Variants in MIPOL1 observed in about 807,000 individuals in gnomAD.
MIPOL1 encodes mirror-image polydactyly gene 1 protein.
A neutral mutation model predicts 60.9 loss-of-function variants in MIPOL1; 57 were observed. That is an observed-to-expected ratio of 0.94 (90% CI 0.76 to 1.17). The LOEUF (loss-of-function observed/expected upper bound fraction) is 1.17. MIPOL1 is among the 50% of genes most tolerant of loss of function. MIPOL1 has a pLI of 0.00. For missense variants in MIPOL1, 551 were observed against 511.6 expected (o/e 1.08, Z -0.74); for synonymous variants, 179 against 168.8 (o/e 1.06, Z -0.47).
At chr14:37,438,713 T>C (rs2094199058) in intron 11 of MIPOL1, among the ~76,000 whole-genome samples, 1 of 152,220 alleles carries the variant, frequency 6.6e-6, no homozygotes, top group African/African-American at 2.4e-5. Context: ...AGTTTAACAG[T>C]CTTTGTCTGT....
At chr14:37,298,386 C>A (rs1045086529) in intron 7 of MIPOL1, among the ~76,000 whole-genome samples, 13 of 152,146 alleles carry the variant, frequency 8.5e-5, no homozygotes, top group African/African-American at 3.1e-4. Flanking sequence ...AGGACATTGG[C>A]CTGGGCAAGG....
intron 11 of MIPOL1, among the ~76,000 whole-genome samples, chr14:37,428,780 T>A (rs2094010599): frequency 6.6e-6 from 1 of 152,094 alleles, no homozygotes; most frequent in African/African-American, 2.4e-5. Flanking sequence ...AGTTTCTTTA[T>A]TCTGTTTGTT....
At chr14:37,270,641 CTTTTTTTTTT>C (rs66866056) in intron 6 of MIPOL1, 116 bp downstream of exon 6, 2 of 204,048 alleles carry the variant, frequency 9.8e-6, no homozygotes, top group Admixed American at 7.8e-5. Context: ...GGAAGCTCTC[CTTTTTTTTTT>C]TTTTTTTTTG....
intron 9 of MIPOL1, among the ~76,000 whole-genome samples, chr14:37,359,127 G>A (rs550026738): frequency 1.8e-4 from 27 of 152,200 alleles, no homozygotes; most frequent in South Asian, 1.0e-3. Flanking sequence ...CAGGTTTGTC[G>A]AAGACCAAAT....
At chr14:37,285,738 C>T (rs1224244477) in intron 7 of MIPOL1, among the ~76,000 whole-genome samples, 1 of 151,858 alleles carries the variant, frequency 6.6e-6, no homozygotes, top group Non-Finnish European at 1.5e-5. Context: ...ACTACAGGCG[C>T]CTGCCACCAA....
At chr14:37,511,415 G>C (rs993559425) in intron 12 of MIPOL1, among the ~76,000 whole-genome samples, 1 of 152,112 alleles carries the variant, frequency 6.6e-6, no homozygotes, top group African/African-American at 2.4e-5. Flanking sequence ...TGGTTATGTC[G>C]AGGTAAAGGG....
At chr14:37,408,253 A>G (rs956576020) in intron 10 of MIPOL1, among the ~76,000 whole-genome samples, 1 of 152,144 alleles carries the variant, frequency 6.6e-6, no homozygotes, top group African/African-American at 2.4e-5. Flanking sequence ...TTTACTTTTC[A>G]TATATTTTTA....
chr14:37,309,817 G>A (rs1447185625), intron 9 of MIPOL1, among the ~76,000 whole-genome samples: 1 of 151,796 alleles, frequency 6.6e-6, no homozygotes, highest in Non-Finnish European at 1.5e-5. Context: ...CTCCTGAGTA[G>A]CTGGGACTAC....
chr14:37,519,076 G>T (rs2095393245), intron 12 of MIPOL1, among the ~76,000 whole-genome samples: 1 of 152,120 alleles, frequency 6.6e-6, no homozygotes, highest in South Asian at 2.1e-4. Flanking sequence ...TAGAAAATCA[G>T]TACCTTGTAA....
At chr14:37,302,259 GTTGTT>G (rs1470187123) in intron 7 of MIPOL1, among the ~76,000 whole-genome samples, 3 of 58,590 alleles carry the variant, frequency 5.1e-5, no homozygotes, top group Admixed American at 5.9e-4. Context: ...ATTTGGAACT[GTTGTT>G]TTTTTTTTTT....
intron 1 of MIPOL1, among the ~76,000 whole-genome samples, chr14:37,208,351 A>T (rs565720725): frequency 6.6e-6 from 1 of 152,280 alleles, no homozygotes; most frequent in South Asian, 2.1e-4. Flanking sequence ...CTAGCTTCAT[A>T]GTTTTGAGGA....
intron 10 of MIPOL1, among the ~76,000 whole-genome samples, chr14:37,374,518 G>A (rs2092723094): frequency 6.6e-6 from 1 of 152,100 alleles, no homozygotes; most frequent in Non-Finnish European, 1.5e-5. Flanking sequence ...ATGGTGTTAG[G>A]TCTTATGTTT....
chr14:37,422,785 C>T (rs1389860471), intron 10 of MIPOL1, 70 bp from the exon 11 acceptor site: 2 of 971,328 alleles, frequency 2.1e-6, no homozygotes, highest in East Asian at 2.7e-5. Context: ...GACTACTGTT[C>T]TTACCGTGGT....
chr14:37,524,798 G>C (rs1019397970), intron 12 of MIPOL1, among the ~76,000 whole-genome samples: 4 of 151,674 alleles, frequency 2.6e-5, no homozygotes, highest in African/African-American at 9.7e-5. Context: ...TTGAACTCCC[G>C]ACCTCGTGAT....
At chr14:37,365,515 G>A (rs749986517) in intron 9 of MIPOL1, among the ~76,000 whole-genome samples, 1 of 152,074 alleles carries the variant, frequency 6.6e-6, no homozygotes, top group Non-Finnish European at 1.5e-5. Flanking sequence ...CACATTGATT[G>A]ATTTGCGTAT....
intron 11 of MIPOL1, among the ~76,000 whole-genome samples, chr14:37,456,234 C>G (rs2094474911): frequency 2.0e-5 from 3 of 151,992 alleles, no homozygotes; most frequent in Non-Finnish European, 4.4e-5. Flanking sequence ...ATAATTGAAT[C>G]TATCTTTTAA....
At chr14:37,372,707 A>G (rs2153500629) in intron 10 of MIPOL1, among the ~76,000 whole-genome samples, 1 of 148,510 alleles carries the variant, frequency 6.7e-6, no homozygotes, top group African/African-American at 2.5e-5. Context: ...GTGAGCAGAG[A>G]TTGTGCCACT....
chr14:37,406,181 T>G (rs572768777), intron 10 of MIPOL1, among the ~76,000 whole-genome samples: 2 of 152,144 alleles, frequency 1.3e-5, no homozygotes, highest in Non-Finnish European at 2.9e-5. Context: ...TAAACCTGCT[T>G]CACTAACTTT....
chr14:37,273,088 A>C (rs2083411312), intron 6 of MIPOL1, among the ~76,000 whole-genome samples: 1 of 151,320 alleles, frequency 6.6e-6, no homozygotes, highest in Admixed American at 6.6e-5. Context: ...GGAATTATTA[A>C]ATAAGTTATG....
Sources: allele counts gnomAD v4.1 joint callset (sites outside exome capture counted in the v4.1 genomes callset), GRCh38; gene constraint gnomAD v4.1.1; transcripts MANE v1.5; gene names NCBI Gene and HGNC (gene_info 2026-07-23, HGNC 2026-07-21).